WWP2: variants seen among roughly 807,000 people sequenced by gnomAD.
WWP2 encodes WW domain containing E3 ubiquitin protein ligase 2, also known as NEDD4-like E3 ubiquitin-protein ligase WWP2.
WWP2 carries 57 observed loss-of-function variants against 121.0 expected under a neutral mutation model. The ratio of observed to expected loss-of-function variants is 0.47; its 90% CI spans 0.38 to 0.59. WWP2 has a LOEUF of 0.59. WWP2 is among the 20% of genes least tolerant of loss of function. WWP2 has a pLI of 0.00. For synonymous variants in WWP2, 449 were observed against 441.3 expected, an observed-to-expected ratio of 1.02 and a Z score of -0.22; for missense variants, 962 against 1,158.9, an observed-to-expected ratio of 0.83 and a Z score of 2.47.
intron 9 of WWP2, among the ~76,000 whole-genome samples, chr16:69,916,733 A>T (rs1157092331): frequency 6.6e-6 from 1 of 152,158 alleles, no homozygotes; most frequent in Non-Finnish European, 1.5e-5. Flanking sequence ...GTGGCATTCA[A>T]TTGAATGAAG....
chr16:69,771,172 T>C (rs2055406270), intron 1 of WWP2, among the ~76,000 whole-genome samples: 1 of 152,102 alleles, frequency 6.6e-6, no homozygotes, highest in Non-Finnish European at 1.5e-5. Flanking sequence ...AGTGATCAGG[T>C]GCTTCAGGTA....
intron 4 of WWP2, among the ~76,000 whole-genome samples, chr16:69,834,967 G>A (rs542290974): frequency 2.0e-5 from 3 of 152,224 alleles, no homozygotes; most frequent in Admixed American, 2.0e-4. Context: ...TCTTGTTCCT[G>A]TTGAGTCACT....
intron 8 of WWP2, among the ~76,000 whole-genome samples, chr16:69,894,662 T>C (rs566768577): frequency 2.0e-5 from 3 of 152,320 alleles, no homozygotes; most frequent in East Asian, 3.9e-4. Flanking sequence ...GCTAGTGAGA[T>C]AGTGGTTCAG....
At chr16:69,885,786 C>G (rs2057912318) in intron 7 of WWP2, among the ~76,000 whole-genome samples, 1 of 152,158 alleles carries the variant, frequency 6.6e-6, no homozygotes, top group African/African-American at 2.4e-5. Flanking sequence ...TTGTAACTAA[C>G]TTGTGGGGTT....
intron 2 of WWP2, among the ~76,000 whole-genome samples, chr16:69,791,251 G>A (rs1223897693): frequency 3.4e-5 from 5 of 149,172 alleles, no homozygotes; most frequent in South Asian, 2.1e-4. Flanking sequence ...TTTTTGAGAC[G>A]GAGTCTCGCT....
intron 6 of WWP2, among the ~76,000 whole-genome samples, chr16:69,864,855 G>T (rs1042613527): frequency 6.6e-6 from 1 of 151,774 alleles, no homozygotes; most frequent in African/African-American, 2.4e-5. Flanking sequence ...GAAGCAATCC[G>T]CCTGCCTCGG....
intron 6 of WWP2, among the ~76,000 whole-genome samples, chr16:69,847,790 T>C (rs546509057): frequency 1.3e-5 from 2 of 152,266 alleles, no homozygotes; most frequent in East Asian, 3.9e-4. Flanking sequence ...AATTTATTCA[T>C]GAGGGATCCA....
intron 8 of WWP2, among the ~76,000 whole-genome samples, chr16:69,890,542 T>A (rs60525790): frequency 6.6e-6 from 1 of 152,140 alleles, no homozygotes; most frequent in African/African-American, 2.4e-5. Flanking sequence ...TGTTATAATT[T>A]GGGGGGAACA....
At chr16:69,934,893 G>A (rs1224061408) in intron 17 of WWP2, among the ~76,000 whole-genome samples, 1 of 152,176 alleles carries the variant, frequency 6.6e-6, no homozygotes, top group Non-Finnish European at 1.5e-5. Flanking sequence ...GTCCATGGGC[G>A]CTGCCGTTCA....
At position 69,823,986 on chromosome 16, in the gene WWP2, G is replaced by A. The variant is rs192872455; in HGVS notation, c.341-16140G>A. Among the ~76,000 whole-genome samples the A allele has an allele frequency of 2.7e-3, 417 of 152,300 alleles. 2 individuals are homozygous for A. Among genetic ancestry groups the A allele is most frequent in the Non-Finnish European group, 3.9e-3 (262 of 68,032 alleles). On this transcript the variant is annotated intron_variant, in intron 4 of 23. Transcript: ENST00000359154. Reference sequence around the variant, plus strand: ...CCTAAATGAACACCTGCTGCAGGCCGGGAATGGTGGCCTTGACCTGGTGAC... The same window carrying A: ...CCTAAATGAACACCTGCTGCAGGCCAGGAATGGTGGCCTTGACCTGGTGAC...
intron 7 of WWP2, among the ~76,000 whole-genome samples, chr16:69,880,057 G>A (rs2057799542): frequency 6.6e-6 from 1 of 150,478 alleles, no homozygotes; most frequent in African/African-American, 2.4e-5. Flanking sequence ...GTTTTCGCTT[G>A]CTTTCTTCAT....
intron 1 of WWP2, among the ~76,000 whole-genome samples, chr16:69,776,714 G>A (rs1179473931): frequency 6.6e-6 from 1 of 152,214 alleles, no homozygotes; most frequent in Admixed American, 6.5e-5. Flanking sequence ...TGTAATCCCA[G>A]CTACTCTGGA....
chr16:69,835,024 A>G (rs936385833), intron 4 of WWP2, among the ~76,000 whole-genome samples: 1 of 152,200 alleles, frequency 6.6e-6, no homozygotes, highest in Non-Finnish European at 1.5e-5. Flanking sequence ...ACGGATGCAG[A>G]TAGAGCAGGG....
chr16:69,790,604 C>G (rs2055889096), intron 2 of WWP2, among the ~76,000 whole-genome samples: 1 of 151,986 alleles, frequency 6.6e-6, no homozygotes, highest in Non-Finnish European at 1.5e-5. Context: ...GAGACAGAGT[C>G]TCACTCTGTC....
At chr16:69,771,619 T>G (rs938344014) in intron 1 of WWP2, among the ~76,000 whole-genome samples, 4 of 152,208 alleles carry the variant, frequency 2.6e-5, no homozygotes, top group Non-Finnish European at 5.9e-5. Flanking sequence ...TCAAGATTGT[T>G]TTGGCGATTC....
At chr16:69,913,488 C>T (rs1202403497) in intron 9 of WWP2, among the ~76,000 whole-genome samples, 1 of 151,718 alleles carries the variant, frequency 6.6e-6, no homozygotes, top group Non-Finnish European at 1.5e-5. Context: ...GGTGACAGAG[C>T]AAGACCCTGT....
intron 23 of WWP2, 69 bp downstream of exon 23, chr16:69,939,482 G>T: frequency 6.5e-7 from 1 of 1,533,480 alleles, no homozygotes; most frequent in South Asian, 1.1e-5. Context: ...ACAGCCCAGT[G>T]GGTGTAGCAG....
chr16:69,917,017 G>A (rs2058488466), intron 9 of WWP2, among the ~76,000 whole-genome samples: 1 of 152,200 alleles, frequency 6.6e-6, no homozygotes, highest in Non-Finnish European at 1.5e-5. Context: ...TATAAACAGT[G>A]AGACTCTGTC....
intron 4 of WWP2, among the ~76,000 whole-genome samples, chr16:69,818,225 T>C (rs2056531901): frequency 6.6e-6 from 1 of 152,016 alleles, no homozygotes; most frequent in South Asian, 2.1e-4. Context: ...TTTATTTTTA[T>C]GAGATGGAGT....
Sources: allele counts gnomAD v4.1 joint callset (sites outside exome capture counted in the v4.1 genomes callset), GRCh38; gene constraint gnomAD v4.1.1; transcripts MANE v1.5; gene names NCBI Gene and HGNC (gene_info 2026-07-23, HGNC 2026-07-21).